ALK: variants seen among roughly 807,000 people sequenced by gnomAD.
The protein encoded by ALK is ALK receptor tyrosine kinase, also known as ALK tyrosine kinase receptor.
A neutral mutation model predicts 163.1 loss-of-function variants in ALK; 74 were observed. The observed-to-expected ratio is 0.45, with a 90% CI of 0.38 to 0.55. The LOEUF is 0.55. ALK is among the 20% of genes least tolerant of loss of function. ALK has a pLI of 0.00. For synonymous variants in ALK, 960 were observed against 843.2 expected, an observed-to-expected ratio of 1.14 and a Z score of -2.40; for missense variants, 2,063 against 2,105.3, an observed-to-expected ratio of 0.98 and a Z score of 0.39.
chr2:29,413,560 G>A (rs182195287), intron 4 of ALK, among the ~76,000 whole-genome samples: 6 of 147,774 alleles, frequency 4.1e-5, no homozygotes, highest in African/African-American at 5.0e-5. Context: ...AAGACAGAGC[G>A]TCACTCTTTT....
At chr2:29,534,555 A>G (rs1673204122) in intron 3 of ALK, among the ~76,000 whole-genome samples, 1 of 152,212 alleles carries the variant, frequency 6.6e-6, no homozygotes, top group South Asian at 2.1e-4. Context: ...GTCTGAGACC[A>G]TTCTCTGATG....
intron 3 of ALK, among the ~76,000 whole-genome samples, chr2:29,601,279 A>G (rs540000261): frequency 6.6e-6 from 1 of 152,298 alleles, no homozygotes; most frequent in African/African-American, 2.4e-5. Flanking sequence ...AATACTTATC[A>G]AGACATTGGG....
intron 4 of ALK, among the ~76,000 whole-genome samples, chr2:29,521,220 C>A (rs1323056300): frequency 6.6e-6 from 1 of 152,138 alleles, no homozygotes; most frequent in African/African-American, 2.4e-5. Flanking sequence ...CCTCAGGTAA[C>A]CTGGTGCCCT....
At chr2:29,858,080 T>C (rs955665559) in intron 1 of ALK, among the ~76,000 whole-genome samples, 1 of 152,162 alleles carries the variant, frequency 6.6e-6, no homozygotes, top group Admixed American at 6.5e-5. Context: ...TGTGTATGCA[T>C]GTGGTATGCT....
chr2:29,474,589 C>T (rs1183099444), intron 4 of ALK, among the ~76,000 whole-genome samples: 1 of 152,170 alleles, frequency 6.6e-6, no homozygotes, highest in African/African-American at 2.4e-5. Context: ...AAGTTGTGTG[C>T]TCTATTTAAA....
chr2:29,311,818 G>C (rs1168860083), intron 8 of ALK, among the ~76,000 whole-genome samples: 4 of 152,156 alleles, frequency 2.6e-5, no homozygotes, highest in African/African-American at 9.7e-5. Flanking sequence ...TGTGGGGGAA[G>C]GCCCCTCTGT....
At chr2:29,269,008 A>G (rs879636165) in intron 11 of ALK, among the ~76,000 whole-genome samples, 4 of 152,324 alleles carry the variant, frequency 2.6e-5, no homozygotes, top group Admixed American at 2.6e-4. Context: ...TTTTTGATGC[A>G]AGGAAACAAA....
At chr2:29,295,841 T>A (rs949124470) in intron 9 of ALK, among the ~76,000 whole-genome samples, 3 of 152,038 alleles carry the variant, frequency 2.0e-5, no homozygotes, top group African/African-American at 7.2e-5. Context: ...GTTGTAAGGG[T>A]TGACTTTTAG....
At chr2:29,837,014 G>A (rs1469478033) in intron 1 of ALK, among the ~76,000 whole-genome samples, 1 of 152,202 alleles carries the variant, frequency 6.6e-6, no homozygotes, top group African/African-American at 2.4e-5. Context: ...GTAAAGGACT[G>A]TAATCCCTGA....
chr2:29,866,088 C>A (rs766710916), intron 1 of ALK, among the ~76,000 whole-genome samples: 1 of 152,140 alleles, frequency 6.6e-6, no homozygotes, highest in Non-Finnish European at 1.5e-5. Context: ...ACAGCAACAT[C>A]AGTGTCTTTC....
At chr2:29,223,560 T>C (rs764311498) in intron 19 of ALK, 32 bp from the exon 20 acceptor site, 31 of 1,607,800 alleles carry the variant, frequency 1.9e-5, no homozygotes, top group South Asian at 1.8e-4. Context: ...CAACATGGCC[T>C]GGCAGCCTGG....
intron 3 of ALK, among the ~76,000 whole-genome samples, chr2:29,546,143 C>A (rs972970372): frequency 2.0e-5 from 3 of 152,140 alleles, no homozygotes; most frequent in African/African-American, 7.2e-5. Context: ...TATATATTCC[C>A]TTTTAGATCT....
At chr2:29,196,112 G>A (rs138666949) in intron 28 of ALK, among the ~76,000 whole-genome samples, 1 of 152,224 alleles carries the variant, frequency 6.6e-6, no homozygotes, top group Non-Finnish European at 1.5e-5. Flanking sequence ...AATGGGAGAG[G>A]GATCTGTAGA....
At chr2:29,793,483 G>T (rs1664236067) in intron 1 of ALK, among the ~76,000 whole-genome samples, 1 of 152,082 alleles carries the variant, frequency 6.6e-6, no homozygotes, top group Admixed American at 6.6e-5. Context: ...CTTTCCAGAA[G>T]GTTTTCAACT....
At chr2:29,604,044 G>A (rs775055296) in intron 3 of ALK, among the ~76,000 whole-genome samples, 11 of 151,972 alleles carry the variant, frequency 7.2e-5, no homozygotes, top group Non-Finnish European at 1.6e-4. Context: ...CTAGGATCAA[G>A]TTAAATGTGG....
chr2:29,653,248 A>G (rs757052649), intron 3 of ALK, among the ~76,000 whole-genome samples: 1 of 152,046 alleles, frequency 6.6e-6, no homozygotes, highest in South Asian at 2.1e-4. Context: ...GAGAAACCCA[A>G]TCTGTGTTTT....
chr2:29,910,385 C>T (rs968625832), intron 1 of ALK, among the ~76,000 whole-genome samples: 2 of 151,878 alleles, frequency 1.3e-5, no homozygotes, highest in African/African-American at 4.8e-5. Flanking sequence ...GTACGGGAAC[C>T]ATAAAAGTAT....
intron 3 of ALK, among the ~76,000 whole-genome samples, chr2:29,559,699 T>C (rs563123725): frequency 2.6e-4 from 31 of 120,922 alleles, no homozygotes; most frequent in Non-Finnish European, 5.3e-4. Context: ...AAATCATAAA[T>C]GAAGAGTAAT....
In ALK at chr2:29,214,419, C is replaced by G. The variant is rs550226644; in HGVS notation, c.3646-338G>C. On this transcript the variant is annotated intron_variant, in intron 23 of 28. Transcript: ENST00000389048. ...TCTTTCCCTTTTAATTTATTGTGCA[C>G]ATTCTCTCACCCCAATCTTCATAAG... Among the ~76,000 whole-genome samples the G allele has an allele frequency of 5.9e-5, 9 of 152,268 alleles. No individual in the cohort carries two copies. The South Asian group carries it at 1.5e-3, about 25-fold the overall frequency.
Sources: allele counts gnomAD v4.1 joint callset (sites outside exome capture counted in the v4.1 genomes callset), GRCh38; gene constraint gnomAD v4.1.1; transcripts MANE v1.5; gene names NCBI Gene and HGNC (gene_info 2026-07-23, HGNC 2026-07-21).